EYS: variants seen among roughly 807,000 people sequenced by gnomAD.
The protein encoded by EYS is protein eyes shut homolog.
EYS carries 250 observed loss-of-function variants against 282.1 expected under a neutral mutation model. The ratio of observed to expected loss-of-function variants is 0.89; its 90% CI spans 0.80 to 0.98. The LOEUF is 0.98. EYS is among the 50% of genes least tolerant of loss of function. EYS has a pLI of 0.00. For synonymous variants in EYS, 1,355 were observed against 1,282.9 expected (o/e 1.06, Z -1.20); for missense variants, 4,016 against 3,709.0 (o/e 1.08, Z -2.15).
intron 32 of EYS, among the ~76,000 whole-genome samples, chr6:64,067,905 A>C (rs1267073968): frequency 6.6e-6 from 1 of 152,134 alleles, no homozygotes; most frequent in Non-Finnish European, 1.5e-5. Context: ...TCTAGTGTAG[A>C]TAGACATTTT....
chr6:65,604,213 G>A (rs544458854), intron 2 of EYS, among the ~76,000 whole-genome samples: 4 of 151,864 alleles, frequency 2.6e-5, no homozygotes, highest in South Asian at 2.1e-4. Flanking sequence ...TTTAAATATG[G>A]GAGGGAGTTG....
chr6:64,031,400 C>A (rs1769825802), intron 33 of EYS, among the ~76,000 whole-genome samples: 1 of 152,202 alleles, frequency 6.6e-6, no homozygotes, highest in Non-Finnish European at 1.5e-5. Flanking sequence ...GCCACACCCC[C>A]AACCCCCACC....
At chr6:65,056,945 A>T (rs930875193) in intron 13 of EYS, among the ~76,000 whole-genome samples, 10 of 152,194 alleles carry the variant, frequency 6.6e-5, no homozygotes, top group South Asian at 4.1e-4. Context: ...AAACAATCTT[A>T]CATTTTTCAT....
intron 2 of EYS, among the ~76,000 whole-genome samples, chr6:65,597,063 T>C (rs2149787782): frequency 6.6e-6 from 1 of 152,188 alleles, no homozygotes; most frequent in Non-Finnish European, 1.5e-5. Flanking sequence ...ATATGAACAT[T>C]ATATTAGAGA....
intron 21 of EYS, among the ~76,000 whole-genome samples, 198 bp downstream of exon 21, chr6:64,821,447 A>T (rs979379544): frequency 6.6e-6 from 1 of 151,950 alleles, no homozygotes; most frequent in Non-Finnish European, 1.5e-5. Flanking sequence ...AGACAAAGAA[A>T]GAAAAGGTGG....
At chr6:65,415,457 C>T (rs1767194771) in intron 5 of EYS, among the ~76,000 whole-genome samples, 1 of 151,960 alleles carries the variant, frequency 6.6e-6, no homozygotes, top group Non-Finnish European at 1.5e-5. Flanking sequence ...TAGAGGTTGT[C>T]AGGTCATATT....
intron 30 of EYS, among the ~76,000 whole-genome samples, chr6:64,262,704 G>A (rs116286876): frequency 0.01 from 1,582 of 152,010 alleles, 12 homozygotes; most frequent in Non-Finnish European, 0.018. Flanking sequence ...TATCTTAAAG[G>A]TAAGCTCTTT....
intron 13 of EYS, among the ~76,000 whole-genome samples, chr6:65,052,768 G>T (rs531996599): frequency 5.3e-5 from 8 of 151,552 alleles, no homozygotes; most frequent in Non-Finnish European, 1.0e-4. Flanking sequence ...CCTTCAAAAA[G>T]AAATACGTAT....
intron 35 of EYS, among the ~76,000 whole-genome samples, chr6:63,899,729 GTTTACTCA>G (rs1031257156): frequency 1.3e-5 from 2 of 152,120 alleles, no homozygotes; most frequent in Admixed American, 1.3e-4. Context: ...CTCATTTTAG[GTTTACTCA>G]TGCCTCTCCC....
chr6:64,625,789 C>T (rs1407160846), intron 23 of EYS, among the ~76,000 whole-genome samples: 1 of 152,172 alleles, frequency 6.6e-6, no homozygotes, highest in African/African-American at 2.4e-5. Context: ...TAAGAGCTAA[C>T]ATTGATAAAG....
At chr6:65,285,703 T>C (rs1768343763) in intron 12 of EYS, among the ~76,000 whole-genome samples, 1 of 152,056 alleles carries the variant, frequency 6.6e-6, no homozygotes, top group Non-Finnish European at 1.5e-5. Flanking sequence ...AATATGACTG[T>C]ATTAAATGAT....
chr6:64,864,891 C>G (rs938518359), intron 19 of EYS, among the ~76,000 whole-genome samples: 2 of 151,908 alleles, frequency 1.3e-5, no homozygotes, highest in African/African-American at 4.8e-5. Flanking sequence ...CAAAAATTAG[C>G]TAGGCACAGT....
intron 29 of EYS, among the ~76,000 whole-genome samples, chr6:64,331,406 C>T (rs116580583): frequency 0.031 from 4,736 of 152,058 alleles, 235 homozygotes; most frequent in African/African-American, 0.11. Flanking sequence ...GACAGAGAAG[C>T]CAAAAGAGCT....
At chr6:63,842,545 C>T (rs1259891428) in intron 36 of EYS, among the ~76,000 whole-genome samples, 12 of 152,128 alleles carry the variant, frequency 7.9e-5, no homozygotes, top group Admixed American at 7.9e-4. Flanking sequence ...AATTTTCTCC[C>T]ATTCTGTATG....
intron 2 of EYS, among the ~76,000 whole-genome samples, chr6:65,524,928 G>A (rs9354260): frequency 0.28 from 43,154 of 152,060 alleles, 6,380 homozygotes; most frequent in African/African-American, 0.35. Context: ...AGTGTTTATC[G>A]TTGCTGCTGG....
At chr6:64,194,727 T>A (rs1765229083) in intron 31 of EYS, among the ~76,000 whole-genome samples, 1 of 152,070 alleles carries the variant, frequency 6.6e-6, no homozygotes, top group Non-Finnish European at 1.5e-5. Flanking sequence ...GGGGTCAGTG[T>A]TATATATATA....
At chr6:64,348,333 G>A (rs1474930862) in intron 29 of EYS, among the ~76,000 whole-genome samples, 1 of 151,414 alleles carries the variant, frequency 6.6e-6, no homozygotes, top group Admixed American at 6.6e-5. Flanking sequence ...CATATGTAAG[G>A]TCTTCAAGCA....
At chr6:64,592,947 GT>G (rs1766456337) in intron 25 of EYS, among the ~76,000 whole-genome samples, 169 bp downstream of exon 25, 1 of 151,766 alleles carries the variant, frequency 6.6e-6, no homozygotes, top group African/African-American at 2.4e-5. Context: ...AAACAACATT[GT>G]TTAAAACAAA....
intron 31 of EYS, among the ~76,000 whole-genome samples, chr6:64,116,662 A>G (rs1773396163): frequency 6.6e-6 from 1 of 152,164 alleles, no homozygotes; most frequent in African/African-American, 2.4e-5. Flanking sequence ...TGAAAGATAA[A>G]ATGTCTTTAA....
Sources: allele counts gnomAD v4.1 joint callset (sites outside exome capture counted in the v4.1 genomes callset), GRCh38; gene constraint gnomAD v4.1.1; transcripts MANE v1.5; gene names NCBI Gene and HGNC (gene_info 2026-07-23, HGNC 2026-07-21).